Variants in BHMT observed in about 807,000 individuals in gnomAD.
BHMT encodes the protein betaine--homocysteine S-methyltransferase 1.
A neutral mutation model predicts 49.5 loss-of-function variants in BHMT; 38 were observed. That is an observed-to-expected ratio of 0.77 (90% CI 0.59 to 1.01). The LOEUF is 1.01. Ranked by LOEUF, BHMT falls within the 50% of genes least tolerant of loss-of-function variation. The pLI is 0.00. For synonymous variants in BHMT, 166 were observed against 176.3 expected, an observed-to-expected ratio of 0.94 and a Z score of 0.46; for missense variants, 426 against 495.7, an observed-to-expected ratio of 0.86 and a Z score of 1.34.
chr5:79,122,702 G>GAA (rs947591798), intron 5 of BHMT, among the ~76,000 whole-genome samples: 22 of 150,936 alleles, frequency 1.5e-4, no homozygotes, highest in African/African-American at 5.1e-4. Flanking sequence ...ACAATCTGAT[G>GAA]AATATATATA....
In BHMT at chr5:79,115,861, C is replaced by T. The variant is rs953600240; in HGVS notation, c.128C>T (p.Pro43Leu). Residue 43 changes from proline (P) to leucine (L), a missense_variant, in exon 2 of 8, where the codon CCC becomes CTC. Physicochemically the swap from Pro to Leu is moderately conservative, Grantham distance 98. Transcript: ENST00000274353. ...AAGAGGGGCTACGTAAAGGCAGGAC[C>T]CTGGACTCCTGAAGCTGCTGTGGAG... is the stretch of plus-strand genomic sequence containing the variant. The part of the protein sequence containing the change: ...LEKRGYVKAG[P>L]WTPEAAVEHP... 9 of 1,613,620 alleles carry T rather than the reference C, an allele frequency of 5.6e-6. No homozygotes were observed.
chr5:79,119,543 T>G (rs373259906), intron 3 of BHMT, 166 bp downstream of exon 3: 1 of 488,730 alleles, frequency 2.0e-6, no homozygotes, highest in African/African-American at 2.0e-5. Context: ...TTAGCTGGAA[T>G]CCCCAAAATT....
chr5:79,117,388 T>C (rs1321690643), intron 2 of BHMT, among the ~76,000 whole-genome samples: 7 of 152,164 alleles, frequency 4.6e-5, no homozygotes, highest in Non-Finnish European at 8.8e-5. Context: ...GTTTATCTGA[T>C]TGATATATGG....
rs1317216849 is a variant in BHMT, at chr5:79,120,561, A to G, written c.477+20A>G. The G allele has an allele frequency of 6.3e-7, 1 of 1,594,672 alleles. No individual in the cohort carries two copies. Among genetic ancestry groups the G allele is most frequent in the Non-Finnish European group, 8.5e-7 (1 of 1,172,032 alleles). On this transcript the variant is annotated intron_variant, in intron 4 of 7. Transcript: ENST00000274353. ...GCAGAGGTAAAGAAAGATGTGGTGAAAGATAAGACAAATACACCTAGTACA... is the reference window on the plus strand; with the variant it reads ...GCAGAGGTAAAGAAAGATGTGGTGAGAGATAAGACAAATACACCTAGTACA...
chr5:79,118,784 T>A (rs1561252990), intron 2 of BHMT, among the ~76,000 whole-genome samples: 1 of 152,204 alleles, frequency 6.6e-6, no homozygotes, highest in Non-Finnish European at 1.5e-5. Flanking sequence ...CATTGAATTC[T>A]TCCAAGTGCA....
chr5:79,121,252 T>C lies in BHMT; in HGVS notation c.512T>C (p.Val171Ala), dbSNP rs561801076. Residue 171 changes from valine to alanine, a missense_variant, in exon 5 of 8, where the codon GTT (valine) becomes GCT (alanine). Val to Ala is a moderately conservative substitution (Grantham distance 64). Transcript: ENST00000274353. ...CACGTTGAAGAAGCTGTGTGGGCAGTTGAAACCTTGATAGCATCCGGTAAA... is the reference window on the plus strand; with the variant it reads ...CACGTTGAAGAAGCTGTGTGGGCAGCTGAAACCTTGATAGCATCCGGTAAA... ...FEHVEEAVWA[V>A]ETLIASGKPV... is the part of the protein sequence containing the mutation. The C allele has an allele frequency of 4.3e-6, 7 of 1,614,150 alleles. No homozygotes were observed. The highest frequency in any genetic ancestry group is 2.2e-5 in the East Asian group (1 of 44,884).
rs1166597087 is a variant in BHMT, at chr5:79,121,334, C to T, written c.594C>T (p.Pro198=). ...GPEGDLHGVP[P]GECAVRLVKA... is the part of the protein sequence containing the mutation. ...AAGGAGATTTGCATGGCGTGCCCCC[C>T]GGCGAGTGTGCAGTGCGCCTGGTGA... The change falls in exon 5 of 8, where the codon CCC becomes CCT. Residue 198 remains proline (P), a synonymous_variant. Transcript: ENST00000274353. The T allele has an allele frequency of 4.3e-6, 7 of 1,614,138 alleles. No homozygotes were observed. The highest frequency in any genetic ancestry group is 2.2e-5 in the South Asian group (2 of 91,078).
chr5:79,113,980 C>G (rs560671072), intron 1 of BHMT, among the ~76,000 whole-genome samples: 69 of 152,038 alleles, frequency 4.5e-4, no homozygotes, highest in Non-Finnish European at 6.3e-4. Context: ...GAGCTGCTAA[C>G]TGCCCAAATG....
chr5:79,131,458 A>G lies in BHMT; in HGVS notation c.*342A>G, dbSNP rs1341264264. 5.4e-6 allele frequency: 1 copy of G among 186,564 alleles called. No individual in the cohort carries two copies. Among genetic ancestry groups the G allele is most frequent in the African/African-American group, 2.4e-5 (1 of 42,474 alleles). 11.6% of individuals were successfully genotyped at this position (186,564 alleles called of 1,614,324 possible). On this transcript the variant is annotated 3_prime_UTR_variant, in exon 8 of 8. Coordinates refer to ENST00000274353, the MANE Select transcript of BHMT (RefSeq NM_001713.3). ...AGGCTAGCAAAGAGGATGAGACATG[A>G]ACTGTCATAAAGGACTCAGCAACCA... is the stretch of plus-strand genomic sequence containing the variant.
At chr5:79,119,987 A>G (rs908105655) in intron 3 of BHMT, among the ~76,000 whole-genome samples, 1 of 152,214 alleles carries the variant, frequency 6.6e-6, no homozygotes, top group Non-Finnish European at 1.5e-5. Flanking sequence ...TTTAATTTTA[A>G]TCTTCTCAAT....
Position 79,131,954 on chromosome 5 carries a change from A to G in BHMT, c.*838A>G, listed in dbSNP as rs753690490. ...TTCAGCCCTCTCCATCCTAGTCAACACTGGATCCACCTAGTGCCTCTGGGC... is the reference window on the plus strand; with the variant it reads ...TTCAGCCCTCTCCATCCTAGTCAACGCTGGATCCACCTAGTGCCTCTGGGC... On this transcript the variant is annotated 3_prime_UTR_variant, in exon 8 of 8. Coordinates refer to ENST00000274353, the MANE Select transcript of BHMT (RefSeq NM_001713.3). 1 of 152,226 alleles carries G rather than the reference A, an allele frequency of 6.6e-6. No homozygotes were observed. The highest frequency in any genetic ancestry group is 1.5e-5 in the Non-Finnish European group (1 of 68,038). 9.4% of individuals were successfully genotyped at this position (152,226 alleles called of 1,614,324 possible). A position where few individuals can be genotyped will look rare whatever the true frequency, so the allele number is the denominator to read the frequency against.
chr5:79,116,009 G>A (rs1426407417), intron 2 of BHMT, 110 bp downstream of exon 2: 5 of 1,348,086 alleles, frequency 3.7e-6, no homozygotes, highest in African/African-American at 1.5e-5. Flanking sequence ...CTTGAGCCCA[G>A]GAGTTCAAGA....
At chr5:79,126,521 T>G (rs1323131436) in intron 6 of BHMT, among the ~76,000 whole-genome samples, 2 of 152,204 alleles carry the variant, frequency 1.3e-5, no homozygotes, top group South Asian at 2.1e-4. Context: ...TTGGTGAGGA[T>G]GCCCTTCATG....
intron 2 of BHMT, among the ~76,000 whole-genome samples, chr5:79,118,535 T>C (rs1449517883): frequency 1.3e-5 from 2 of 152,244 alleles, no homozygotes; most frequent in Non-Finnish European, 2.9e-5. Flanking sequence ...GGAACTGTGC[T>C]TGGAAATCTT....
At chr5:79,128,528 TTAAAAA>T (rs1335497375) in intron 7 of BHMT, among the ~76,000 whole-genome samples, 62 of 133,002 alleles carry the variant, frequency 4.7e-4, no homozygotes, top group East Asian at 3.4e-3. Context: ...AGACCCTGTT[TTAAAAA>T]AAAAAAAAAA....
intron 1 of BHMT, among the ~76,000 whole-genome samples, chr5:79,114,962 T>A (rs1269607112): frequency 3.9e-5 from 6 of 152,236 alleles, no homozygotes; most frequent in Admixed American, 6.5e-5. Context: ...TACTGCACAG[T>A]ATTGTAAATG....
chr5:79,126,300 C>A, intron 6 of BHMT, 72 bp downstream of exon 6: 1 of 1,519,532 alleles, frequency 6.6e-7, no homozygotes, highest in Non-Finnish European at 9.0e-7. Flanking sequence ...TAAATCTATA[C>A]CCAGAGATCT....
At position 79,121,370 on chromosome 5, in the gene BHMT, T is replaced by C. The variant is rs1194436019; in HGVS notation, c.625+5T>C. ...CAGTGCGCCTGGTGAAAGCAGGTGATGATAGATTTCAATCAGTTTGTGATT... is the reference window on the plus strand; with the variant it reads ...CAGTGCGCCTGGTGAAAGCAGGTGACGATAGATTTCAATCAGTTTGTGATT... On this transcript the variant is annotated splice_donor_5th_base_variant and intron_variant, in intron 5 of 7. Transcript: ENST00000274353. 6.2e-7 allele frequency: 1 copy of C among 1,614,078 alleles called. No homozygotes were observed. Among genetic ancestry groups the C allele is most frequent in the Admixed American group, 1.7e-5 (1 of 60,024 alleles).
chr5:79,122,432 C>T (rs952592779), intron 5 of BHMT, among the ~76,000 whole-genome samples: 1 of 152,112 alleles, frequency 6.6e-6, no homozygotes, highest in Admixed American at 6.6e-5. Context: ...GAACAATGTC[C>T]TTTATTTCTA....
Sources: allele counts gnomAD v4.1 joint callset (sites outside exome capture counted in the v4.1 genomes callset), GRCh38; gene constraint gnomAD v4.1.1; transcripts MANE v1.5; gene names NCBI Gene and HGNC (gene_info 2026-07-23, HGNC 2026-07-21).